The following RBM26 variants were observed in gnomAD, a reference collection of about 807,000 sequenced individuals.
The protein encoded by RBM26 is RNA binding motif protein 26.
In RBM26, 30 loss-of-function variants were observed where a neutral mutation model predicts 123.6. The observed-to-expected ratio is 0.24, with a 90% CI of 0.18 to 0.33. The LOEUF is 0.33. RBM26 is among the 10% of genes least tolerant of loss of function. RBM26 has a pLI of 1.00. For synonymous variants in RBM26, 400 were observed against 404.4 expected, an observed-to-expected ratio of 0.99 and a Z score of 0.13; for missense variants, 947 against 1,203.6, an observed-to-expected ratio of 0.79 and a Z score of 3.15.
intron 7 of RBM26, 126 bp from the exon 8 acceptor site, chr13:79,366,321 T>A (rs2075266521): frequency 1.9e-6 from 2 of 1,065,022 alleles, no homozygotes; most frequent in Admixed American, 2.9e-5. Context: ...CCCTTACAAC[T>A]GAATTAGATA....
chr13:79,326,943 T>C (rs1250051859), intron 20 of RBM26, among the ~76,000 whole-genome samples: 96 of 149,822 alleles, frequency 6.4e-4, no homozygotes, highest in Admixed American at 6.4e-3. Context: ...TGCAATGAAA[T>C]AAGGTGAAAA....
At chr13:79,399,570 AAAGGC>A (rs1336037302) in intron 1 of RBM26, among the ~76,000 whole-genome samples, 1 of 152,222 alleles carries the variant, frequency 6.6e-6, no homozygotes, top group Non-Finnish European at 1.5e-5. Flanking sequence ...TAGCTTTCTT[AAAGGC>A]AAGCTAAAAA....
chr13:79,316,314 GA>G (rs2138240872), downstream of RBM26, among the ~76,000 whole-genome samples: 1 of 151,242 alleles, frequency 6.6e-6, no homozygotes, highest in Admixed American at 6.6e-5. Flanking sequence ...TGTAAGGAGG[GA>G]AAAGAAAACA....
intron 9 of RBM26, among the ~76,000 whole-genome samples, chr13:79,361,034 G>A (rs930636740): frequency 1.3e-5 from 2 of 152,112 alleles, no homozygotes; most frequent in East Asian, 3.8e-4. Context: ...TCCTGCAGGA[G>A]GAGAGCATAT....
intron 1 of RBM26, among the ~76,000 whole-genome samples, chr13:79,399,313 G>A (rs914147404): frequency 6.6e-6 from 1 of 152,146 alleles, no homozygotes; most frequent in Non-Finnish European, 1.5e-5. Flanking sequence ...AATAAAGTAT[G>A]CTAATTCATC....
downstream of RBM26, chr13:79,313,877 A>G (rs1259786984): frequency 4.0e-5 from 6 of 149,796 alleles, no homozygotes; most frequent in African/African-American, 1.5e-4. Flanking sequence ...TTGCACCAAA[A>G]AAAAAAAAAA....
chr13:79,338,414 C>T (rs2070823591), intron 18 of RBM26, among the ~76,000 whole-genome samples: 1 of 151,880 alleles, frequency 6.6e-6, no homozygotes, highest in South Asian at 2.1e-4. Context: ...GTATTTAATA[C>T]TTGTTCAATG....
chr13:79,368,286 A>G (rs1173358953), intron 6 of RBM26, among the ~76,000 whole-genome samples: 1 of 152,200 alleles, frequency 6.6e-6, no homozygotes, highest in African/African-American at 2.4e-5. Flanking sequence ...TCAACCTCCT[A>G]AAGTGCTGGG....
At chr13:79,317,295 AAAC>A (rs925484630), downstream of RBM26, among the ~76,000 whole-genome samples, 2 of 151,778 alleles carry the variant, frequency 1.3e-5, no homozygotes, top group African/African-American at 2.4e-5. Context: ...AAATGATAGA[AAAC>A]AACAACGATA....
Position 79,342,680 on chromosome 13 carries a change from A to G in RBM26, c.2411T>C (p.Ile804Thr). 2 of 1,606,616 alleles carry G rather than the reference A, an allele frequency of 1.2e-6. No homozygotes were observed. The highest frequency in any genetic ancestry group is 1.1e-5 in the South Asian group (1 of 89,588). ...ASPGRCLPKS[I>T]KTKTQMQKEL... ...ATTAAATACCTGAGTCTTGGTTTTT[A>G]TACTTTTTGGAAGACAGCGTCCAGG... The change falls in exon 17 of 22, where the codon ATA becomes ACA. Residue 804 changes from isoleucine (I) to threonine (T), a missense_variant. Around this residue, in one of 5 missense-constraint regions of RBM26, gnomAD observed 493 missense variants for 563.1 expected, o/e 0.88. Coordinates refer to ENST00000438737, the MANE Select transcript of RBM26 (RefSeq NM_001366735.2).
downstream of RBM26, chr13:79,314,670 C>T (rs2067001490): frequency 6.2e-6 from 1 of 160,880 alleles, no homozygotes; most frequent in Non-Finnish European, 1.4e-5. Context: ...CTCAATTTGG[C>T]TCAGACTTGA....
rs542242632 is a variant in RBM26, at chr13:79,364,634, T to C, written c.1417+944A>G. Among the ~76,000 whole-genome samples, 7 of 152,288 alleles carry C rather than the reference T, an allele frequency of 4.6e-5. No homozygotes were observed. In the East Asian group the frequency reaches 1.4e-3, roughly 29 times the overall value. ...TGTATTTTCCAAATTAATGTGAACT[T>C]TCTCCCTCTGAATCTTATTAGTTTA... On this transcript the variant is annotated intron_variant, in intron 9 of 21. Transcript: ENST00000438737.
At position 79,368,738 on chromosome 13, in the gene RBM26, T is replaced by A; in HGVS notation, c.887A>T (p.Asp296Val). The change falls in exon 6 of 22, where the codon GAC (aspartate) becomes GTC (valine). Residue 296 changes from aspartate (D) to valine (V), a missense_variant. This residue lies in a region of RBM26 where 275 missense variants were observed against 361.0 expected (regional missense o/e 0.76). Coordinates refer to ENST00000438737, the MANE Select transcript of RBM26 (RefSeq NM_001366735.2). ...RPPMPKKRCR[D>V]YDEKGFCMRG... ...ACAGCTGAAAGACTTACCATCATAG[T>A]CTCTACACCGTTTCTTTGGCATGGG... 6.2e-7 allele frequency: 1 copy of A among 1,613,618 alleles called. No individual in the cohort carries two copies. Among genetic ancestry groups the A allele is most frequent in the South Asian group, 1.1e-5 (1 of 91,016 alleles).
intron 1 of RBM26, among the ~76,000 whole-genome samples, chr13:79,381,007 C>T (rs184902789): frequency 1.2e-4 from 18 of 152,154 alleles, no homozygotes; most frequent in African/African-American, 4.3e-4. Flanking sequence ...TAAGATTTTA[C>T]AAGTTAGAGT....
intron 20 of RBM26, 150 bp downstream of exon 20, chr13:79,334,194 T>C (rs2069915952): frequency 9.7e-6 from 5 of 513,136 alleles, no homozygotes; most frequent in Admixed American, 4.0e-5. Context: ...CATTAGGACA[T>C]TCTTTGAGGG....
At chr13:79,332,121 T>C (rs1468788067) in intron 20 of RBM26, among the ~76,000 whole-genome samples, 1 of 152,186 alleles carries the variant, frequency 6.6e-6, no homozygotes, top group Non-Finnish European at 1.5e-5. Context: ...ATAAATTCAT[T>C]CAGTCATCTA....
At chr13:79,397,804 T>C (rs1015214212) in intron 1 of RBM26, among the ~76,000 whole-genome samples, 12 of 151,558 alleles carry the variant, frequency 7.9e-5, no homozygotes, top group Non-Finnish European at 1.6e-4. Context: ...CTAGAATAAG[T>C]ACACTTGGTA....
intron 14 of RBM26, among the ~76,000 whole-genome samples, chr13:79,345,769 C>G (rs1016091701): frequency 1.3e-5 from 2 of 151,892 alleles, no homozygotes; most frequent in African/African-American, 4.8e-5. Context: ...AGGGTAAGTA[C>G]TCAAAAAACA....
downstream of RBM26, among the ~76,000 whole-genome samples, chr13:79,318,337 T>G (rs1009338157): frequency 4.6e-5 from 7 of 151,340 alleles, no homozygotes; most frequent in African/African-American, 1.7e-4. Context: ...GGGCAAATCA[T>G]TCCATCTCTA....
Sources: allele counts gnomAD v4.1 joint callset (sites outside exome capture counted in the v4.1 genomes callset), GRCh38; gene constraint gnomAD v4.1.1; regional missense constraint gnomAD v4.1.1; transcripts MANE v1.5; gene names NCBI Gene and HGNC (gene_info 2026-07-23, HGNC 2026-07-21).